The following SND1 variants were observed in gnomAD, a reference collection of about 807,000 sequenced individuals.
The protein encoded by SND1 is staphylococcal nuclease and tudor domain containing 1.
SND1 carries 38 observed loss-of-function variants against 121.7 expected under a neutral mutation model. The observed-to-expected ratio is 0.31, with a 90% CI of 0.24 to 0.41. SND1 has a LOEUF of 0.41. SND1 is among the 10% of genes least tolerant of loss of function. The pLI, the probability that SND1 is intolerant of heterozygous loss-of-function variation, is 1.00. For missense variants in SND1, 868 were observed against 1,184.6 expected (o/e 0.73, Z 3.92); for synonymous variants, 401 against 447.4 (o/e 0.90, Z 1.31).
At chr7:127,684,394 A>C (rs1795778607) in intron 1 of SND1, among the ~76,000 whole-genome samples, 1 of 152,222 alleles carries the variant, frequency 6.6e-6, no homozygotes, top group Non-Finnish European at 1.5e-5. Flanking sequence ...GGCTGTCCTC[A>C]GCCTCATTTG....
intron 1 of SND1, among the ~76,000 whole-genome samples, chr7:127,668,075 T>G (rs6959373): frequency 3.9e-4 from 59 of 152,322 alleles, no homozygotes; most frequent in African/African-American, 1.4e-3. Flanking sequence ...AAGAGAGGCA[T>G]GTGCAGAAAT....
At chr7:127,848,616 A>T (rs1277568427) in intron 12 of SND1, among the ~76,000 whole-genome samples, 1 of 152,204 alleles carries the variant, frequency 6.6e-6, no homozygotes, top group Non-Finnish European at 1.5e-5. Context: ...TTATATACCT[A>T]CATTTAGGCC....
At chr7:127,740,570 A>G (rs1211148825) in intron 10 of SND1, among the ~76,000 whole-genome samples, 1 of 152,192 alleles carries the variant, frequency 6.6e-6, no homozygotes, top group Admixed American at 6.5e-5. Flanking sequence ...AAATGTTAAG[A>G]ATAGATGCTT....
intron 15 of SND1, among the ~76,000 whole-genome samples, chr7:127,941,698 A>G (rs953056423): frequency 1.3e-5 from 2 of 152,222 alleles, no homozygotes; most frequent in African/African-American, 4.8e-5. Flanking sequence ...GCTCATTAGC[A>G]TTTGCATTTT....
Position 128,091,821 on chromosome 7 carries a change from T to G in SND1, c.2623-16T>G, listed in dbSNP as rs1793785971. The G allele has an allele frequency of 6.2e-7, 1 of 1,613,858 alleles. No homozygotes were observed. The highest frequency in any genetic ancestry group is 1.7e-5 in the Admixed American group (1 of 59,982). ...GGGCAACTCTGACCACTCCCTTTCTTCTCTCGTCCCTCCAGATCACAGAAT... is the reference window on the plus strand; with the variant it reads ...GGGCAACTCTGACCACTCCCTTTCTGCTCTCGTCCCTCCAGATCACAGAAT... On this transcript the variant is annotated splice_polypyrimidine_tract_variant and intron_variant, in intron 22 of 23. Transcript: ENST00000354725.
At chr7:127,886,861 A>AC (rs1799919159) in intron 12 of SND1, among the ~76,000 whole-genome samples, 1 of 151,386 alleles carries the variant, frequency 6.6e-6, no homozygotes, top group Admixed American at 6.6e-5. Flanking sequence ...AAAAAAAAAA[A>AC]AAAAAAAGAT....
intron 9 of SND1, 92 bp from the exon 10 acceptor site, chr7:127,721,195 C>T: frequency 1.3e-6 from 1 of 745,284 alleles, no homozygotes; most frequent in Non-Finnish European, 2.4e-6. Context: ...CTATTGATCT[C>T]ACTTTCTACC....
At chr7:127,712,009 CT>C (rs1796307050) in intron 9 of SND1, among the ~76,000 whole-genome samples, 1 of 151,550 alleles carries the variant, frequency 6.6e-6, no homozygotes, top group African/African-American at 2.4e-5. Flanking sequence ...CTCCTCTCCC[CT>C]TCTTGGGTTA....
At chr7:128,020,563 T>C (rs1027966322) in intron 16 of SND1, among the ~76,000 whole-genome samples, 2 of 152,216 alleles carry the variant, frequency 1.3e-5, no homozygotes, top group African/African-American at 2.4e-5. Context: ...GAAGTTCTCA[T>C]TGCCCTCTCC....
At chr7:127,955,472 A>G (rs1801570282) in intron 15 of SND1, among the ~76,000 whole-genome samples, 2 of 152,140 alleles carry the variant, frequency 1.3e-5, no homozygotes, top group South Asian at 4.1e-4. Context: ...CAGGGTGGGA[A>G]GCTACTTCTC....
rs1793698712 is a variant in SND1 at position 128,087,061 on chromosome 7, G to A, written c.2418+10G>A. 2 of 1,606,460 alleles carry A rather than the reference G, an allele frequency of 1.2e-6. No homozygotes were observed. The highest frequency in any genetic ancestry group is 2.2e-5 in the South Asian group (2 of 90,890). On this transcript the variant is annotated intron_variant, in intron 21 of 23. Transcript: ENST00000354725. The stretch of plus-strand genomic sequence containing the variant: ...CCAGGTGCCCCAAGATGTGAGTCTG[G>A]AGTCTTCCTCCTTCCAAAGGGGACT...
intron 11 of SND1, among the ~76,000 whole-genome samples, chr7:127,837,447 G>C (rs899085708): frequency 6.6e-6 from 1 of 152,138 alleles, no homozygotes; most frequent in Non-Finnish European, 1.5e-5. Context: ...TTTCAACATG[G>C]CTACTAGGAA....
intron 16 of SND1, among the ~76,000 whole-genome samples, chr7:128,033,194 G>T (rs1792683286): frequency 6.6e-6 from 1 of 152,180 alleles, no homozygotes; most frequent in African/African-American, 2.4e-5. Flanking sequence ...TGGAATTCTT[G>T]CTCCTATTTC....
chr7:127,950,514 C>T (rs1195997361), intron 15 of SND1, among the ~76,000 whole-genome samples: 1 of 152,184 alleles, frequency 6.6e-6, no homozygotes, highest in Non-Finnish European at 1.5e-5. Flanking sequence ...GAATTGAATC[C>T]TGTCCACATA....
intron 10 of SND1, among the ~76,000 whole-genome samples, chr7:127,740,340 A>T (rs1219843246): frequency 6.6e-6 from 1 of 152,092 alleles, no homozygotes; most frequent in Non-Finnish European, 1.5e-5. Context: ...TTTATTTTTC[A>T]TGTGTTGATT....
chr7:127,884,728 A>G (rs988286191), intron 12 of SND1, among the ~76,000 whole-genome samples: 2 of 151,954 alleles, frequency 1.3e-5, no homozygotes, highest in African/African-American at 4.8e-5. Context: ...GTTTTCTCCA[A>G]TTAATCTCTT....
intron 6 of SND1, 64 bp from the exon 7 acceptor site, chr7:127,703,101 G>A: frequency 2.5e-6 from 4 of 1,569,542 alleles, no homozygotes; most frequent in Non-Finnish European, 3.5e-6. Flanking sequence ...GGCTTAGTGT[G>A]GGGCGAGAGT....
chr7:128,067,692 A>G (rs1793340093), intron 16 of SND1, among the ~76,000 whole-genome samples: 2 of 152,104 alleles, frequency 1.3e-5, no homozygotes, highest in Non-Finnish European at 2.9e-5. Context: ...AGGCTCAGTA[A>G]TTTTCTGTAC....
intron 10 of SND1, among the ~76,000 whole-genome samples, chr7:127,736,088 A>G (rs1019382827): frequency 1.3e-5 from 2 of 152,192 alleles, no homozygotes; most frequent in African/African-American, 4.8e-5. Flanking sequence ...CTGAGCCCTG[A>G]GAGTACCTGC....
Sources: gnomAD v4.1 joint callset for allele counts (sites outside exome capture counted in the v4.1 genomes callset) on GRCh38, gnomAD v4.1.1 for gene constraint, MANE v1.5 for transcripts, NCBI Gene and HGNC (gene_info 2026-07-23, HGNC 2026-07-21) for gene names.